MACROD2: variants seen among roughly 807,000 people sequenced by gnomAD.
The protein encoded by MACROD2 is mono-ADP ribosylhydrolase 2, also known as ADP-ribose glycohydrolase MACROD2.
Under a neutral mutation model 70.4 loss-of-function variants are expected in MACROD2, and 36 were observed. That is an observed-to-expected ratio of 0.51 (90% CI 0.39 to 0.68). The LOEUF (loss-of-function observed/expected upper bound fraction) is 0.68. Ranked by LOEUF, MACROD2 falls within the 30% of genes least tolerant of loss-of-function variation. The pLI is 0.00. For missense variants in MACROD2, 496 were observed against 538.4 expected, an observed-to-expected ratio of 0.92 and a Z score of 0.78; for synonymous variants, 172 against 178.8, an observed-to-expected ratio of 0.96 and a Z score of 0.30.
chr20:14,185,715 A>G (rs918309766), intron 3 of MACROD2, among the ~76,000 whole-genome samples: 2 of 152,196 alleles, frequency 1.3e-5, no homozygotes, highest in African/African-American at 2.4e-5. Flanking sequence ...ATTTCAACTC[A>G]GCTACTTGCT....
chr20:15,415,015 T>A (rs989112470), intron 6 of MACROD2, among the ~76,000 whole-genome samples: 1 of 152,188 alleles, frequency 6.6e-6, no homozygotes, highest in African/African-American at 2.4e-5. Flanking sequence ...GAAGTTTAGA[T>A]GATGCTTGGG....
chr20:15,851,555 C>A (rs150263692), intron 8 of MACROD2, among the ~76,000 whole-genome samples: 1 of 152,224 alleles, frequency 6.6e-6, no homozygotes, highest in East Asian at 1.9e-4. Context: ...TAGGGCCTAT[C>A]CCCGTGACCT....
intron 1 of MACROD2, among the ~76,000 whole-genome samples, chr20:13,999,508 T>TC (rs2052705035): frequency 6.6e-6 from 1 of 152,210 alleles, no homozygotes; most frequent in African/African-American, 2.4e-5. Context: ...ACAACAACCC[T>TC]ATGAGGTAGG....
At position 14,583,035 on chromosome 20, in the gene MACROD2, G is replaced by A. The variant is rs1379098581; in HGVS notation, c.301+89527G>A. Among the ~76,000 whole-genome samples the A allele has an allele frequency of 2.7e-5, 4 of 150,616 alleles. 1 individual carries two copies. The highest frequency in any genetic ancestry group is 5.9e-5 in the Non-Finnish European group (4 of 67,746). ...TACTCATGGATGATGCAACTCTCTT[G>A]TCTGAGCGTATTTCCAGGCTCAGGA... On this transcript the variant is annotated intron_variant, in intron 4 of 17. Coordinates refer to ENST00000684519, the MANE Select transcript of MACROD2 (RefSeq NM_001351661.2).
intron 8 of MACROD2, among the ~76,000 whole-genome samples, chr20:15,562,442 T>C (rs1002183891): frequency 1.3e-5 from 2 of 152,210 alleles, no homozygotes; most frequent in African/African-American, 4.8e-5. Context: ...GGTCTCCTAA[T>C]ATTTTTTAAC....
chr20:14,896,032 C>A (rs559858578), intron 5 of MACROD2, among the ~76,000 whole-genome samples: 5 of 152,288 alleles, frequency 3.3e-5, no homozygotes, highest in Admixed American at 3.3e-4. Flanking sequence ...TGCTGTGGCT[C>A]ACGCCTATAA....
intron 3 of MACROD2, among the ~76,000 whole-genome samples, chr20:14,252,659 A>G (rs982826236): frequency 6.6e-5 from 10 of 152,164 alleles, no homozygotes; most frequent in Admixed American, 3.9e-4. Context: ...TATTTGCTGA[A>G]TGAATGAATG....
chr20:15,175,291 G>A (rs1601178193), intron 5 of MACROD2, among the ~76,000 whole-genome samples: 1 of 116,440 alleles, frequency 8.6e-6, no homozygotes, highest in Non-Finnish European at 1.7e-5. Flanking sequence ...GGTGGGGGGA[G>A]GGGGGAGGGA....
At chr20:14,536,171 G>GTA (rs201275537) in intron 4 of MACROD2, among the ~76,000 whole-genome samples, 37 of 151,882 alleles carry the variant, frequency 2.4e-4, no homozygotes, top group African/African-American at 5.6e-4. Context: ...ACATATATGT[G>GTA]TATATATATA....
chr20:14,301,426 G>A (rs557239714), intron 3 of MACROD2, among the ~76,000 whole-genome samples: 11 of 152,164 alleles, frequency 7.2e-5, no homozygotes, highest in East Asian at 1.9e-4. Flanking sequence ...TAGTTTGGTC[G>A]CCTTATAGGT....
Position 15,460,999 on chromosome 20 carries a change from TATATATA to T in MACROD2, c.571+29565_571+29571del, listed in dbSNP as rs1336643455. 5.5e-3 allele frequency among the ~76,000 whole-genome samples: 471 copies of T among 85,536 alleles called. 23 individuals carry two copies. The highest frequency in any genetic ancestry group is 0.019 in the African/African-American group (419 of 21,714). The allele number at this position is 85,536 out of a possible 152,430, so 56.1% of individuals were successfully genotyped here. A position where few individuals can be genotyped will look rare whatever the true frequency, so the allele number is the denominator to read the frequency against. ...CTCCATATATATATATATATATATA[TATATATA>T]TTTTTTTTTAATAGATGGGGTCTTG... On this transcript the variant is annotated intron_variant, in intron 7 of 17. Transcript: ENST00000684519.
intron 8 of MACROD2, among the ~76,000 whole-genome samples, chr20:15,781,394 G>T (rs912736017): frequency 1.3e-5 from 2 of 152,164 alleles, no homozygotes; most frequent in Admixed American, 1.3e-4. Context: ...GCAAATGTCT[G>T]TGCTGTTATA....
At chr20:14,409,603 T>C (rs1568599265) in intron 3 of MACROD2, among the ~76,000 whole-genome samples, 1 of 152,062 alleles carries the variant, frequency 6.6e-6, no homozygotes, top group South Asian at 2.1e-4. Flanking sequence ...TTGTATATCA[T>C]ACCATTTAGA....
At chr20:14,219,642 C>T (rs2081652909) in intron 3 of MACROD2, among the ~76,000 whole-genome samples, 1 of 152,176 alleles carries the variant, frequency 6.6e-6, no homozygotes, top group Non-Finnish European at 1.5e-5. Context: ...CTGGTGCCTT[C>T]TCATTTGGGT....
At position 15,186,892 on chromosome 20, in the gene MACROD2, A is replaced by G. The variant is rs149115857; in HGVS notation, c.419-43048A>G. Among the ~76,000 whole-genome samples the G allele has an allele frequency of 9.8e-4, 149 of 152,268 alleles. 1 individual carries two copies. The highest frequency in any genetic ancestry group is 3.2e-3 in the African/African-American group (135 of 41,566). On this transcript the variant is annotated intron_variant, in intron 5 of 17. Transcript: ENST00000684519. ...TGCTAGCTATTAAAACTTCAACTAA[A>G]TTTTATTCATGTGCTAATCATGACG...
chr20:15,805,890 G>A (rs1314785122), intron 8 of MACROD2, among the ~76,000 whole-genome samples: 2 of 152,214 alleles, frequency 1.3e-5, no homozygotes, highest in Non-Finnish European at 2.9e-5. Context: ...CAGTCTTGGA[G>A]AACTGGGAGT....
In MACROD2 at chr20:15,309,703, G is replaced by A. The variant is rs146898235; in HGVS notation, c.540+79642G>A. On this transcript the variant is annotated intron_variant, in intron 6 of 17. Coordinates refer to ENST00000684519, the MANE Select transcript of MACROD2 (RefSeq NM_001351661.2). ...CTGCCTTAGGAGGAAACAGACATGA[G>A]ACAAATAAAATATTATAATATTCTA... Among the ~76,000 whole-genome samples the A allele has an allele frequency of 9.2e-5, 14 of 152,200 alleles. No homozygotes were observed. The East Asian group carries it at 2.7e-3, about 29-fold the overall frequency.
intron 8 of MACROD2, among the ~76,000 whole-genome samples, chr20:15,860,493 G>T (rs771991811): frequency 6.6e-6 from 1 of 152,150 alleles, no homozygotes; most frequent in African/African-American, 2.4e-5. Flanking sequence ...GAAATTCCAA[G>T]TAGTTCAATG....
chr20:15,581,835 C>T (rs947670425), intron 8 of MACROD2, among the ~76,000 whole-genome samples: 2 of 152,088 alleles, frequency 1.3e-5, no homozygotes, highest in African/African-American at 4.8e-5. Flanking sequence ...ATGAAATAAA[C>T]CACTGGCTGG....
Sources: gnomAD v4.1 joint callset for allele counts (sites outside exome capture counted in the v4.1 genomes callset) on GRCh38, gnomAD v4.1.1 for gene constraint, MANE v1.5 for transcripts, NCBI Gene and HGNC (gene_info 2026-07-23, HGNC 2026-07-21) for gene names.